The following SYCP1 variants were observed in gnomAD, a reference collection of about 807,000 sequenced individuals.
SYCP1 encodes the protein synaptonemal complex protein 1.
SYCP1 carries 64 observed loss-of-function variants against 153.1 expected under a neutral mutation model. The ratio of observed to expected loss-of-function variants is 0.42; its 90% confidence interval spans 0.34 to 0.51. SYCP1 has a LOEUF of 0.51. Among genes scored for constraint, SYCP1 ranks in the 20% least tolerant of loss-of-function variants. The pLI is 0.06. For synonymous variants in SYCP1, 384 were observed against 341.8 expected, an observed-to-expected ratio of 1.12 and a Z score of -1.36; for missense variants, 997 against 1,049.0, an observed-to-expected ratio of 0.95 and a Z score of 0.68.
Position 114,947,224 on chromosome 1 carries a change from C to A in SYCP1, c.2248-22C>A, listed in dbSNP as rs761796217. On this transcript the variant is annotated intron_variant, in intron 26 of 31. Coordinates refer to ENST00000369522, the MANE Select transcript of SYCP1 (RefSeq NM_003176.4). ...AGAAATACATGGAAGCTCTTCTAAACTTCATGTTTCTTTTTCTTTAGGAGA... is the reference window on the plus strand; with the variant it reads ...AGAAATACATGGAAGCTCTTCTAAAATTCATGTTTCTTTTTCTTTAGGAGA... 1.5e-5 allele frequency: 24 copies of A among 1,577,688 alleles called. No individual in the cohort carries two copies. The Middle Eastern group carries it at 6.8e-4, about 44-fold the overall frequency.
chr1:114,977,671 AC>A, intron 28 of SYCP1, 55 bp downstream of exon 28: 17 of 1,126,086 alleles, frequency 1.5e-5, no homozygotes, highest in Non-Finnish European at 2.0e-5. Context: ...TCTAACTTCT[AC>A]TTAGAAATGA....
At chr1:114,969,700 A>G (rs1051546350) in intron 27 of SYCP1, among the ~76,000 whole-genome samples, 1 of 152,136 alleles carries the variant, frequency 6.6e-6, no homozygotes, top group African/African-American at 2.4e-5. Context: ...TACAAAAACA[A>G]ACACCTTCAG....
intron 30 of SYCP1, among the ~76,000 whole-genome samples, chr1:114,987,669 A>C (rs1673606810): frequency 6.6e-6 from 1 of 151,952 alleles, no homozygotes; most frequent in African/African-American, 2.4e-5. Context: ...TGTCTCTAAA[A>C]ATTTTTTTAA....
chr1:114,969,802 G>T (rs1032844658), intron 27 of SYCP1, among the ~76,000 whole-genome samples: 3 of 152,186 alleles, frequency 2.0e-5, no homozygotes, highest in African/African-American at 7.2e-5. Context: ...CTCCTGGTCT[G>T]TGGGTTGCAG....
chr1:114,994,551 CTT>C, intron 30 of SYCP1, 145 bp from the exon 31 acceptor site: 2 of 472,648 alleles, frequency 4.2e-6, no homozygotes, highest in Non-Finnish European at 7.2e-6. Context: ...TCTTCTTTCT[CTT>C]TCCTCCTCCC....
At chr1:114,986,621 T>C (rs1240034744) in intron 30 of SYCP1, among the ~76,000 whole-genome samples, 4 of 152,034 alleles carry the variant, frequency 2.6e-5, no homozygotes, top group Non-Finnish European at 4.4e-5. Flanking sequence ...CTATTAGTCA[T>C]TTTGTAATTT....
chr1:114,855,486 G>T lies in SYCP1; in HGVS notation c.22G>T (p.Ala8Ser). The change falls in exon 2 of 32, where the codon GCA (alanine) becomes TCA (serine). Residue 8 changes from alanine (A) to serine (S), a missense_variant. Ala to Ser is a moderately conservative substitution (Grantham distance 99). Transcript: ENST00000369522. MEKQKPF[A>S]LFVPPRSSSS... ...GAAAATGGAAAAGCAAAAGCCCTTTGCATTGTTCGTACCACCGAGATCAAG... is the reference window on the plus strand; with the variant it reads ...GAAAATGGAAAAGCAAAAGCCCTTTTCATTGTTCGTACCACCGAGATCAAG... 6.2e-7 allele frequency: 1 copy of T among 1,606,426 alleles called. No individual in the cohort carries two copies. Among genetic ancestry groups the T allele is most frequent in the Non-Finnish European group, 8.5e-7 (1 of 1,176,128 alleles).
intron 16 of SYCP1, among the ~76,000 whole-genome samples, chr1:114,895,731 T>C (rs1000856847): frequency 6.6e-6 from 1 of 152,136 alleles, no homozygotes; most frequent in African/African-American, 2.4e-5. Flanking sequence ...GAATATGTGT[T>C]GATAGCACAC....
chr1:114,910,453 A>C lies in SYCP1; in HGVS notation c.1377A>C (p.Glu459Asp). The C allele has an allele frequency of 1.2e-6, 2 of 1,605,350 alleles. No individual in the cohort carries two copies. Among genetic ancestry groups the C allele is most frequent in the Non-Finnish European group, 1.7e-6 (2 of 1,176,612 alleles). The change falls in exon 17 of 32, where the codon GAA becomes GAC. Residue 459 changes from glutamate to aspartate, a missense_variant. Around this residue, in one of 2 missense-constraint regions of SYCP1, gnomAD observed 712 missense variants for 682.9 expected, o/e 1.04. Coordinates refer to ENST00000369522, the MANE Select transcript of SYCP1 (RefSeq NM_003176.4). ...ENKQFEKIAE[E>D]LKGTEQELIG... ...AACAATTTGAGAAGATTGCTGAAGA[A>C]TTAAAAGGAACAGAACAAGAACTAA...
At chr1:114,945,652 A>C (rs1670660564) in intron 25 of SYCP1, among the ~76,000 whole-genome samples, 1 of 152,168 alleles carries the variant, frequency 6.6e-6, no homozygotes, top group African/African-American at 2.4e-5. Context: ...TTGATAACTC[A>C]CATTTTCCCA....
intron 29 of SYCP1, among the ~76,000 whole-genome samples, chr1:114,982,815 G>T (rs74755743): frequency 6.6e-6 from 1 of 151,552 alleles, no homozygotes; most frequent in African/African-American, 2.4e-5. Context: ...GTTTAAACTG[G>T]CCATTTAAAA....
intron 23 of SYCP1, among the ~76,000 whole-genome samples, chr1:114,939,164 C>T (rs1670231019): frequency 6.6e-6 from 1 of 152,184 alleles, no homozygotes; most frequent in Non-Finnish European, 1.5e-5. Context: ...ACCCATGTGT[C>T]CATTGACAGA....
At chr1:114,901,494 A>G (rs1667444692) in intron 16 of SYCP1, among the ~76,000 whole-genome samples, 1 of 152,176 alleles carries the variant, frequency 6.6e-6, no homozygotes, top group African/African-American at 2.4e-5. Context: ...AGGGGAAGAG[A>G]GTCAATAAGC....
At chr1:114,923,622 G>T (rs1170307743) in intron 21 of SYCP1, 92 bp downstream of exon 21, 9 of 1,258,050 alleles carry the variant, frequency 7.2e-6, no homozygotes, top group Non-Finnish European at 9.5e-6. Flanking sequence ...GAAGTATACT[G>T]TTGTATAAAT....
chr1:114,887,566 G>C (rs1666399239), intron 14 of SYCP1, 60 bp from the exon 15 acceptor site: 2 of 1,173,336 alleles, frequency 1.7e-6, no homozygotes, highest in Non-Finnish European at 2.4e-6. Flanking sequence ...ACCAATTTTA[G>C]TTATGAGATG....
At chr1:114,912,592 G>A (rs935459038) in intron 18 of SYCP1, among the ~76,000 whole-genome samples, 3 of 151,932 alleles carry the variant, frequency 2.0e-5, no homozygotes, top group African/African-American at 7.2e-5. Flanking sequence ...TAGGGTACAT[G>A]TGCACAACGT....
chr1:114,902,661 G>A (rs1334234984), intron 16 of SYCP1, among the ~76,000 whole-genome samples: 3 of 150,388 alleles, frequency 2.0e-5, no homozygotes, highest in Non-Finnish European at 4.4e-5. Context: ...TTACTTGGCC[G>A]TCTCATTATA....
intron 29 of SYCP1, 104 bp from the exon 30 acceptor site, chr1:114,984,621 G>A: frequency 1.1e-6 from 1 of 947,760 alleles, no homozygotes; most frequent in Admixed American, 3.7e-5. Context: ...GGAGGTTTCT[G>A]ATTGCTAAGG....
chr1:114,966,043 G>A (rs1429035004), intron 27 of SYCP1, among the ~76,000 whole-genome samples: 4 of 152,084 alleles, frequency 2.6e-5, no homozygotes, highest in Non-Finnish European at 4.4e-5. Context: ...TCTATTCAGG[G>A]ATTTGACTTC....
Sources: gnomAD v4.1 joint callset for allele counts (sites outside exome capture counted in the v4.1 genomes callset) on GRCh38, gnomAD v4.1.1 for gene constraint, gnomAD v4.1.1 regional missense constraint, MANE v1.5 for transcripts, NCBI Gene and HGNC (gene_info 2026-07-23, HGNC 2026-07-21) for gene names.